Variants in TCF4 observed in about 807,000 individuals in gnomAD.
TCF4 encodes the protein SL3-3 enhancer factor 2.
A neutral mutation model predicts 82.1 loss-of-function variants in TCF4; 3 were observed. That is an observed-to-expected ratio of 0.04 (90% CI 0.02 to 0.09). The LOEUF (loss-of-function observed/expected upper bound fraction) is 0.09. Among genes scored for constraint, TCF4 ranks in the 10% least tolerant of loss-of-function variants. The probability of loss-of-function intolerance (pLI) is 1.00; values close to 1 mark genes in which losing one functional copy is unlikely to be tolerated. For missense variants in TCF4, 518 were observed against 852.7 expected (o/e 0.61, Z 4.89); for synonymous variants, 276 against 309.6 (o/e 0.89, Z 1.14).
chr18:55,374,627 G>A (rs1055050125), intron 6 of TCF4, among the ~76,000 whole-genome samples: 18 of 151,914 alleles, frequency 1.2e-4, no homozygotes, highest in African/African-American at 2.9e-4. Flanking sequence ...CTTGCCAGGC[G>A]CGGTGGCTCA....
chr18:55,618,348 A>T (rs2097714222), intron 2 of TCF4, among the ~76,000 whole-genome samples: 1 of 152,146 alleles, frequency 6.6e-6, no homozygotes. Flanking sequence ...CATTTCTAAG[A>T]ATCTATCCAT....
At chr18:55,331,860 T>C (rs1286348763) in intron 8 of TCF4, among the ~76,000 whole-genome samples, 2 of 152,186 alleles carry the variant, frequency 1.3e-5, no homozygotes, top group Admixed American at 6.5e-5. Flanking sequence ...TGGCAGAGAG[T>C]GTATTCAAAA....
rs549235192 is a variant in TCF4 at position 55,282,657 on chromosome 18, GAAT to G, written c.550-3004_550-3002del. On this transcript the variant is annotated intron_variant, in intron 8 of 19. Transcript: ENST00000354452. ...ATAAAATAGCTTTATTTAATCAATA[GAAT>G]AATAACAAACATCCCAGATCTCTTC... is the stretch of plus-strand genomic sequence containing the variant. Among the ~76,000 whole-genome samples, 7 of 152,054 alleles carry G rather than the reference GAAT, an allele frequency of 4.6e-5. No individual in the cohort carries two copies. In the South Asian group the frequency reaches 1.2e-3, roughly 27 times the overall value.
intron 5 of TCF4, chr18:55,422,117 C>T: frequency 6.0e-6 from 4 of 669,392 alleles, no homozygotes; most frequent in Non-Finnish European, 5.3e-6. Flanking sequence ...AAAAAAACCA[C>T]TATCATCCAA....
chr18:55,457,482 C>G (rs2095786661), intron 5 of TCF4, among the ~76,000 whole-genome samples: 1 of 151,328 alleles, frequency 6.6e-6, no homozygotes, highest in South Asian at 2.1e-4. Flanking sequence ...TAAATTAAAA[C>G]AAACATTTTA....
intron 10 of TCF4, among the ~76,000 whole-genome samples, chr18:55,273,127 A>G (rs961523499): frequency 2.0e-5 from 3 of 152,146 alleles, no homozygotes; most frequent in African/African-American, 7.2e-5. Context: ...TAACACAGTA[A>G]TGATTAGCTG....
intron 6 of TCF4, among the ~76,000 whole-genome samples, chr18:55,365,191 A>ATATATATATATATGTGTGTGTGTG (rs1361444592): frequency 7.1e-5 from 7 of 97,956 alleles, no homozygotes; most frequent in African/African-American, 3.5e-4. Context: ...ATATATATAT[A>ATATATATATATATGTGTGTGTGTG]TGTGTGTGTG....
chr18:55,244,724 A>C (rs1438425525), intron 15 of TCF4, among the ~76,000 whole-genome samples: 1 of 152,180 alleles, frequency 6.6e-6, no homozygotes, highest in Admixed American at 6.5e-5. Flanking sequence ...ACAGCTTTTT[A>C]AACAAATACC....
intron 3 of TCF4, among the ~76,000 whole-genome samples, chr18:55,504,563 C>T (rs1447270359): frequency 6.6e-6 from 1 of 152,212 alleles, no homozygotes; most frequent in Admixed American, 6.5e-5. Flanking sequence ...TCATTTTAAT[C>T]TGCCAAGGCT....
At chr18:55,414,448 G>T (rs2094459253) in intron 5 of TCF4, among the ~76,000 whole-genome samples, 1 of 152,000 alleles carries the variant, frequency 6.6e-6, no homozygotes, top group Non-Finnish European at 1.5e-5. Flanking sequence ...TGCAATGTAA[G>T]ACAAAAGAAC....
intron 8 of TCF4, among the ~76,000 whole-genome samples, chr18:55,306,695 C>T (rs2070470172): frequency 6.6e-6 from 1 of 152,180 alleles, no homozygotes; most frequent in Non-Finnish European, 1.5e-5. Context: ...TGTTACTTTG[C>T]TAGTGATGTC....
intron 2 of TCF4, chr18:55,595,968 C>T (rs376587074): frequency 3.5e-6 from 1 of 284,702 alleles, no homozygotes; most frequent in Non-Finnish European, 7.0e-6. Context: ...TACAGTGGCT[C>T]GCCTCTGTAA....
chr18:55,494,183 G>A (rs931586137), intron 3 of TCF4, among the ~76,000 whole-genome samples: 1 of 84,038 alleles, frequency 1.2e-5, no homozygotes, highest in African/African-American at 4.0e-5. Flanking sequence ...CACACACACA[G>A]ATTAGTCAGG....
At chr18:55,326,703 T>C (rs1387731152) in intron 8 of TCF4, among the ~76,000 whole-genome samples, 1 of 152,130 alleles carries the variant, frequency 6.6e-6, no homozygotes, top group African/African-American at 2.4e-5. Context: ...CCCTTGTCCA[T>C]TGAAAAAAGG....
intron 3 of TCF4, among the ~76,000 whole-genome samples, chr18:55,566,144 C>T (rs2097404426): frequency 1.3e-5 from 2 of 151,794 alleles, no homozygotes; most frequent in African/African-American, 2.4e-5. Flanking sequence ...ACCAGGGAGG[C>T]GGAGCATGCA....
At chr18:55,324,805 T>C (rs978386494) in intron 8 of TCF4, among the ~76,000 whole-genome samples, 2 of 151,874 alleles carry the variant, frequency 1.3e-5, no homozygotes, top group African/African-American at 4.8e-5. Context: ...ACACTGGGGG[T>C]AGGCAATGAA....
In TCF4 at chr18:55,226,833, C is replaced by G. The variant is rs968198285; in HGVS notation, c.*1202G>C. ...AAAAATCTGACCATGTATTCAGAAA[C>G]GCCTCACTGCACACTACTTCGGCTA... is the stretch of plus-strand genomic sequence containing the variant. On this transcript the variant is annotated 3_prime_UTR_variant, in exon 20 of 20. Transcript: ENST00000354452. The G allele has an allele frequency of 6.6e-6, 1 of 152,360 alleles. No homozygotes were observed. Among genetic ancestry groups the G allele is most frequent in the Non-Finnish European group, 1.5e-5 (1 of 68,002 alleles). The allele number at this position is 152,360 out of a possible 1,614,324, so 9.4% of individuals were successfully genotyped here.
At position 55,269,660 on chromosome 18, in the gene TCF4, T is replaced by C. The variant is rs146805366; in HGVS notation, c.922+171A>G. The C allele has an allele frequency of 2.3e-5, 20 of 885,672 alleles. No homozygotes were observed. In the African/African-American group the frequency reaches 2.5e-4, roughly 11 times the overall value. The allele number at this position is 885,672 out of a possible 1,614,324, so 54.9% of individuals were successfully genotyped here. On this transcript the variant is annotated intron_variant, in intron 11 of 19. Transcript: ENST00000354452. ...TGTCTTGTGACGAAAAATATGGTTA[T>C]GCTCAAGCCAGTGATTTTACTTCTG...
chr18:55,258,462 C>T (rs1004334849), intron 13 of TCF4, among the ~76,000 whole-genome samples: 1 of 152,096 alleles, frequency 6.6e-6, no homozygotes, highest in Admixed American at 6.6e-5. Context: ...CCTAATTTTT[C>T]TTTCCCACCA....
Sources: gnomAD v4.1 joint callset for allele counts (sites outside exome capture counted in the v4.1 genomes callset) on GRCh38, gnomAD v4.1.1 for gene constraint, MANE v1.5 for transcripts, NCBI Gene and HGNC (gene_info 2026-07-23, HGNC 2026-07-21) for gene names.